Variants in PTPRD observed in about 807,000 individuals in gnomAD.
The protein encoded by PTPRD is protein tyrosine phosphatase receptor type D, also known as receptor-type tyrosine-protein phosphatase delta.
A neutral mutation model predicts 214.5 loss-of-function variants in PTPRD; 34 were observed. That is an observed-to-expected ratio of 0.16 (90% CI 0.12 to 0.21). The LOEUF is 0.21. Among genes scored for constraint, PTPRD ranks in the 10% least tolerant of loss-of-function variants. The pLI is 1.00. For missense variants in PTPRD, 2,545 were observed against 2,398.7 expected (o/e 1.06, Z -1.27); for synonymous variants, 1,128 against 845.7 (o/e 1.33, Z -5.79).
intron 9 of PTPRD, among the ~76,000 whole-genome samples, chr9:9,362,488 G>C (rs1185864670): frequency 6.6e-6 from 1 of 151,122 alleles, no homozygotes; most frequent in Non-Finnish European, 1.5e-5. Flanking sequence ...ATGAGAGCAA[G>C]AATGGGGTCC....
intron 8 of PTPRD, among the ~76,000 whole-genome samples, chr9:9,445,482 T>C (rs751998638): frequency 2.0e-4 from 31 of 152,132 alleles, no homozygotes; most frequent in Non-Finnish European, 4.3e-4. Flanking sequence ...GGATAATTCA[T>C]AAATGAAAGA....
chr9:9,155,491 G>T (rs1393772587), intron 10 of PTPRD, among the ~76,000 whole-genome samples: 1 of 152,116 alleles, frequency 6.6e-6, no homozygotes, highest in African/African-American at 2.4e-5. Context: ...TTGGTAACCA[G>T]AATTATAAGA....
At chr9:9,577,742 T>C (rs915620006) in intron 7 of PTPRD, among the ~76,000 whole-genome samples, 8 of 151,956 alleles carry the variant, frequency 5.3e-5, no homozygotes, top group Admixed American at 5.2e-4. Context: ...CACATAAAAT[T>C]CTAGCCAAAT....
chr9:10,091,765 T>A (rs991803388), intron 3 of PTPRD, among the ~76,000 whole-genome samples: 1 of 124,296 alleles, frequency 8.0e-6, no homozygotes, highest in Non-Finnish European at 1.6e-5. Context: ...TCTTCATAAA[T>A]AAGAATATGT....
intron 5 of PTPRD, among the ~76,000 whole-genome samples, chr9:9,930,635 AAAGTTT>A (rs1390148545): frequency 2.0e-5 from 3 of 152,204 alleles, no homozygotes; most frequent in Non-Finnish European, 4.4e-5. Context: ...GCAGTATTTT[AAAGTTT>A]AAGTATATGA....
chr9:9,250,027 A>G (rs2099974815), intron 9 of PTPRD, among the ~76,000 whole-genome samples: 1 of 152,116 alleles, frequency 6.6e-6, no homozygotes, highest in Non-Finnish European at 1.5e-5. Flanking sequence ...TTGAATAACT[A>G]CAGTTAAGTA....
intron 9 of PTPRD, among the ~76,000 whole-genome samples, chr9:9,379,601 C>T (rs1167896402): frequency 6.6e-6 from 1 of 151,986 alleles, no homozygotes; most frequent in East Asian, 1.9e-4. Context: ...ATTGGGATTG[C>T]ATTGAATCTA....
chr9:9,124,830 C>T (rs1043805213), intron 10 of PTPRD, among the ~76,000 whole-genome samples: 1 of 152,182 alleles, frequency 6.6e-6, no homozygotes, highest in Non-Finnish European at 1.5e-5. Flanking sequence ...GGGCAATTTT[C>T]CCTATATTAC....
At chr9:9,848,812 A>G (rs1034905007) in intron 5 of PTPRD, among the ~76,000 whole-genome samples, 1 of 152,100 alleles carries the variant, frequency 6.6e-6, no homozygotes. Flanking sequence ...GTAAGAAAAA[A>G]ACTAATAGCT....
intron 4 of PTPRD, among the ~76,000 whole-genome samples, chr9:9,962,225 C>T (rs1478556415): frequency 6.6e-6 from 1 of 151,920 alleles, no homozygotes; most frequent in Non-Finnish European, 1.5e-5. Context: ...TATGACTGGT[C>T]AAGTTATCCT....
chr9:10,256,388 A>G (rs1575257), intron 3 of PTPRD, among the ~76,000 whole-genome samples: 22,965 of 150,318 alleles, frequency 0.15, 1,848 homozygotes, highest in African/African-American at 0.19. Flanking sequence ...ACCTGCTTGA[A>G]TTACAGCTTT....
At chr9:10,151,674 G>A (rs898729944) in intron 3 of PTPRD, among the ~76,000 whole-genome samples, 7 of 151,852 alleles carry the variant, frequency 4.6e-5, no homozygotes, top group Admixed American at 1.3e-4. Flanking sequence ...GTAGCTGAAC[G>A]ACCACCACCA....
chr9:9,177,085 T>G (rs2099925359), intron 10 of PTPRD, among the ~76,000 whole-genome samples: 2 of 152,246 alleles, frequency 1.3e-5, no homozygotes, highest in South Asian at 2.1e-4. Flanking sequence ...GAGGTTTAAT[T>G]GACTCACAGT....
chr9:9,370,596 C>G (rs796799777), intron 9 of PTPRD, among the ~76,000 whole-genome samples: 1 of 151,132 alleles, frequency 6.6e-6, no homozygotes, highest in South Asian at 2.1e-4. Flanking sequence ...AATTGAATAC[C>G]CTTTATTTCC....
At chr9:8,484,623 T>A (rs904958140) in intron 29 of PTPRD, among the ~76,000 whole-genome samples, 2 of 151,650 alleles carry the variant, frequency 1.3e-5, no homozygotes, top group African/African-American at 4.8e-5. Context: ...TATACATATA[T>A]ATATATAGAA....
chr9:9,649,359 T>C (rs1422207765), intron 7 of PTPRD, among the ~76,000 whole-genome samples: 1 of 152,140 alleles, frequency 6.6e-6, no homozygotes, highest in African/African-American at 2.4e-5. Flanking sequence ...ACTCTATCTG[T>C]AAAATGGCAA....
chr9:9,815,265 A>G (rs998617743), intron 5 of PTPRD, among the ~76,000 whole-genome samples: 1 of 152,150 alleles, frequency 6.6e-6, no homozygotes, highest in Non-Finnish European at 1.5e-5. Context: ...TTCACAATGG[A>G]GAAAGGACAG....
chr9:9,681,554 G>A (rs533591753), intron 7 of PTPRD, among the ~76,000 whole-genome samples: 1 of 151,594 alleles, frequency 6.6e-6, no homozygotes, highest in South Asian at 2.1e-4. Flanking sequence ...CACCTATCAG[G>A]CCCCATCCCC....
chr9:8,369,241 A>C (rs1282929395), intron 39 of PTPRD, among the ~76,000 whole-genome samples: 1 of 152,164 alleles, frequency 6.6e-6, no homozygotes, highest in Non-Finnish European at 1.5e-5. Flanking sequence ...TCTTTGGATC[A>C]CAAGGTCTTT....
Sources: allele counts gnomAD v4.1 joint callset (sites outside exome capture counted in the v4.1 genomes callset), GRCh38; gene constraint gnomAD v4.1.1; transcripts MANE v1.5; gene names NCBI Gene and HGNC (gene_info 2026-07-23, HGNC 2026-07-21).